NSD1: variants seen among roughly 807,000 people sequenced by gnomAD.
The protein encoded by NSD1 is histone-lysine N-methyltransferase, H3 lysine-36 specific.
Under a neutral mutation model 242.7 loss-of-function variants are expected in NSD1, and 26 were observed. The observed-to-expected ratio is 0.11, with a 90% CI of 0.08 to 0.15. NSD1 has a LOEUF of 0.15. NSD1 is among the 10% of genes least tolerant of loss of function. The pLI, the probability that NSD1 is intolerant of heterozygous loss-of-function variation, is 1.00. For missense variants in NSD1, 2,495 were observed against 3,272.8 expected (o/e 0.76, Z 5.80); for synonymous variants, 1,106 against 1,178.1 (o/e 0.94, Z 1.25).
chr5:177,154,385 A>G (rs760770007), intron 2 of NSD1, among the ~76,000 whole-genome samples: 7 of 152,198 alleles, frequency 4.6e-5, no homozygotes, highest in Non-Finnish European at 1.0e-4. Context: ...AGAAATTAAT[A>G]GTTTTAATTA....
intron 2 of NSD1, among the ~76,000 whole-genome samples, chr5:177,167,516 C>T (rs1298339311): frequency 6.6e-6 from 1 of 151,158 alleles, no homozygotes; most frequent in Non-Finnish European, 1.5e-5. Flanking sequence ...GCCTGGGCAA[C>T]AAGAGCAAAA....
intron 21 of NSD1, among the ~76,000 whole-genome samples, chr5:177,291,589 G>A (rs560655954): frequency 1.3e-5 from 2 of 152,276 alleles, no homozygotes; most frequent in South Asian, 2.1e-4. Context: ...GCAGGCGGAG[G>A]TTGCAGTGAG....
intron 2 of NSD1, among the ~76,000 whole-genome samples, chr5:177,181,830 AGTT>A (rs779162564): frequency 1.7e-3 from 256 of 150,428 alleles, no homozygotes; most frequent in Non-Finnish European, 2.1e-3. Context: ...TGAGCCCAGG[AGTT>A]TGAGGCCATC....
chr5:177,250,625 A>T (rs900601131), intron 11 of NSD1, among the ~76,000 whole-genome samples: 1 of 151,658 alleles, frequency 6.6e-6, no homozygotes, highest in Non-Finnish European at 1.5e-5. Context: ...AAAGTACAAT[A>T]TATAGTGCTA....
intron 17 of NSD1, among the ~76,000 whole-genome samples, chr5:177,279,205 G>C (rs1758638578): frequency 6.6e-6 from 1 of 152,198 alleles, no homozygotes; most frequent in South Asian, 2.1e-4. Context: ...GCTTTTGCCA[G>C]GTGTGGTGGC....
chr5:177,178,241 T>G (rs968632892), intron 2 of NSD1, among the ~76,000 whole-genome samples: 11 of 152,196 alleles, frequency 7.2e-5, no homozygotes, highest in Non-Finnish European at 1.2e-4. Context: ...TTGATTGATT[T>G]ATGAGATGGA....
chr5:177,224,894 G>T lies in NSD1; in HGVS notation c.3797-10927G>T, dbSNP rs115592381. 8.8e-3 allele frequency among the ~76,000 whole-genome samples: 1,341 copies of T among 151,534 alleles called. 21 individuals carry two copies. The highest frequency in any genetic ancestry group is 0.028 in the African/African-American group (1,145 of 41,288). On this transcript the variant is annotated intron_variant, in intron 5 of 22. Coordinates refer to ENST00000439151, the MANE Select transcript of NSD1 (RefSeq NM_022455.5). ...GTCACATTTGTAAGATCTTTTTTGT[G>T]TCTATTGAGAAGACAATTTTGCGTT...
chr5:177,137,188 G>A (rs1052432), intron 2 of NSD1: 63,031 of 344,454 alleles, frequency 0.18, 7,272 homozygotes, highest in East Asian at 0.5. Flanking sequence ...CTAAATTCCA[G>A]AAGTTCTTGA....
chr5:177,254,012 T>C (rs1756219481), intron 12 of NSD1, among the ~76,000 whole-genome samples: 1 of 152,112 alleles, frequency 6.6e-6, no homozygotes, highest in Non-Finnish European at 1.5e-5. Flanking sequence ...TCGAGTGCAA[T>C]GGCGCAGTCT....
intron 5 of NSD1, among the ~76,000 whole-genome samples, chr5:177,218,973 G>T (rs142069612): frequency 6.6e-6 from 1 of 151,720 alleles, no homozygotes; most frequent in African/African-American, 2.4e-5. Context: ...TTTTGCATCA[G>T]TATTTATAAA....
At position 177,235,898 on chromosome 5, in the gene NSD1, T is replaced by C; in HGVS notation, c.3874T>C (p.Phe1292Leu). ...LEYTEEYDQIFAPKKKQKKVQ... is the reference protein window; with the variant it reads ...LEYTEEYDQILAPKKKQKKVQ... ...ATATACAGAAGAATATGATCAGATA[T>C]TTGCTCCTAAGAAAAAACAAAAGAA... The change falls in exon 6 of 23, where the codon TTT becomes CTT. Residue 1292 changes from phenylalanine (F) to leucine (L), a missense_variant. Coordinates refer to ENST00000439151, the MANE Select transcript of NSD1 (RefSeq NM_022455.5). 6.2e-7 allele frequency: 1 copy of C among 1,613,888 alleles called. No homozygotes were observed. The highest frequency in any genetic ancestry group is 1.1e-5 in the South Asian group (1 of 91,072).
At chr5:177,250,562 G>GTTT (rs34022431) in intron 11 of NSD1, among the ~76,000 whole-genome samples, 2 of 140,238 alleles carry the variant, frequency 1.4e-5, no homozygotes, top group Non-Finnish European at 1.6e-5. Context: ...CTGAAGGTCA[G>GTTT]TTTTTTTTTT....
chr5:177,272,412 A>G (rs1017865396), intron 16 of NSD1, among the ~76,000 whole-genome samples: 22 of 152,246 alleles, frequency 1.4e-4, no homozygotes, highest in African/African-American at 5.1e-4. Flanking sequence ...AAAAAAGGAT[A>G]GGTCAGAGGG....
At chr5:177,225,721 A>G (rs1056631669) in intron 5 of NSD1, among the ~76,000 whole-genome samples, 1 of 152,198 alleles carries the variant, frequency 6.6e-6, no homozygotes, top group African/African-American at 2.4e-5. Flanking sequence ...CCTTAAGAAT[A>G]GTTCACAATT....
rs1224217058 is a variant in NSD1 at position 177,227,077 on chromosome 5, C to CATAT, written c.3797-8743_3797-8740dup. Among the ~76,000 whole-genome samples the CATAT allele has an allele frequency of 2.0e-5, 3 of 152,114 alleles. No individual in the cohort carries two copies. In the South Asian group the frequency reaches 6.2e-4, roughly 32 times the overall value. ...CCCGTTAGAGATACATGATGAAACA[C>CATAT]ATATGGATGAAATATTATGGAGTAT... is the stretch of plus-strand genomic sequence containing the variant. On this transcript the variant is annotated intron_variant, in intron 5 of 22. Transcript: ENST00000439151.
intron 5 of NSD1, among the ~76,000 whole-genome samples, chr5:177,214,480 C>A (rs1393806959): frequency 6.6e-6 from 1 of 152,160 alleles, no homozygotes; most frequent in African/African-American, 2.4e-5. Context: ...AACAACAACT[C>A]CTGATTTTCT....
chr5:177,149,025 G>A (rs1263353453), intron 2 of NSD1, among the ~76,000 whole-genome samples: 1 of 151,752 alleles, frequency 6.6e-6, no homozygotes, highest in Non-Finnish European at 1.5e-5. Context: ...CACCATGTTG[G>A]CCAGGCTGGT....
rs2127279586 is a variant in NSD1, at chr5:177,294,000, A to G, written c.6632A>G (p.Asn2211Ser). The stretch of plus-strand genomic sequence containing the variant: ...ACTGAGCATGACCCCTGTGGGCCCA[A>G]TCCTCTGGAACCTGGGGAGATCCGT... Reference protein sequence around the residue: ...SCTEHDPCGPNPLEPGEIREY... With the variant: ...SCTEHDPCGPSPLEPGEIREY... The change falls in exon 23 of 23, where the codon AAT becomes AGT. Residue 2211 changes from asparagine (N) to serine (S), a missense_variant. Coordinates refer to ENST00000439151, the MANE Select transcript of NSD1 (RefSeq NM_022455.5). The G allele has an allele frequency of 2.5e-6, 4 of 1,614,020 alleles. No individual in the cohort carries two copies. The highest frequency in any genetic ancestry group is 2.2e-5 in the East Asian group (1 of 44,854).
intron 3 of NSD1, among the ~76,000 whole-genome samples, chr5:177,201,382 A>G (rs2149833159): frequency 6.6e-6 from 1 of 151,902 alleles, no homozygotes; most frequent in South Asian, 2.1e-4. Context: ...TGTAATGGCT[A>G]AGATCTTAAC....
Sources: allele counts gnomAD v4.1 joint callset (sites outside exome capture counted in the v4.1 genomes callset), GRCh38; gene constraint gnomAD v4.1.1; transcripts MANE v1.5; gene names NCBI Gene and HGNC (gene_info 2026-07-23, HGNC 2026-07-21).